The following DLGAP2 variants were observed in gnomAD, a reference collection of about 807,000 sequenced individuals.
The protein encoded by DLGAP2 is DLG associated protein 2, also known as disks large-associated protein 2.
DLGAP2 carries 26 observed loss-of-function variants against 100.3 expected under a neutral mutation model. That is an observed-to-expected ratio of 0.26 (90% CI 0.19 to 0.36). DLGAP2 has a LOEUF of 0.36. Ranked by LOEUF, DLGAP2 falls within the 10% of genes least tolerant of loss-of-function variation. The pLI is 1.00. For synonymous variants in DLGAP2, 886 were observed against 630.1 expected, an observed-to-expected ratio of 1.41 and a Z score of -6.08; for missense variants, 1,858 against 1,453.2, an observed-to-expected ratio of 1.28 and a Z score of -4.53.
chr8:1,257,046 C>T (rs933443963), intron 2 of DLGAP2, among the ~76,000 whole-genome samples: 13 of 152,182 alleles, frequency 8.5e-5, no homozygotes, highest in African/African-American at 3.1e-4. Context: ...CGTCTTCTCT[C>T]CCGTCCCCTC....
intron 2 of DLGAP2, among the ~76,000 whole-genome samples, chr8:1,050,497 A>G (rs527388535): frequency 1.2e-4 from 19 of 152,308 alleles, no homozygotes; most frequent in African/African-American, 4.1e-4. Context: ...TAGGTGTATT[A>G]AATGCATTTT....
intron 1 of DLGAP2, among the ~76,000 whole-genome samples, chr8:894,232 T>A (rs549225320): frequency 6.6e-6 from 1 of 152,052 alleles, no homozygotes; most frequent in African/African-American, 2.4e-5. Flanking sequence ...ACGGAATGAG[T>A]GATCTTTGTG....
At chr8:1,607,779 G>A (rs10216613) in intron 6 of DLGAP2, among the ~76,000 whole-genome samples, 161 of 147,720 alleles carry the variant, frequency 1.1e-3, no homozygotes, top group South Asian at 1.8e-3. Flanking sequence ...AAGGGGTGAC[G>A]GACGCACCTG....
At chr8:1,146,154 T>G (rs1441449193) in intron 2 of DLGAP2, among the ~76,000 whole-genome samples, 1 of 152,158 alleles carries the variant, frequency 6.6e-6, no homozygotes, top group Non-Finnish European at 1.5e-5. Context: ...GCCACGAGGG[T>G]GTCAGCCTCT....
In DLGAP2 at chr8:1,417,717, G is replaced by T. The variant is rs1476630068; in HGVS notation, c.107-83649G>T. ...GGGCCCCACTCCTGCCTCACTCGGC[G>T]AGGCTCCAGACACAGAAGCCCACGG... is the stretch of plus-strand genomic sequence containing the variant. On this transcript the variant is annotated intron_variant, in intron 3 of 14. Transcript: ENST00000637795. Among the ~76,000 whole-genome samples the T allele has an allele frequency of 1.3e-5, 2 of 148,604 alleles. 1 individual carries two copies. Among genetic ancestry groups the T allele is most frequent in the African/African-American group, 5.1e-5 (2 of 39,082 alleles).
intron 2 of DLGAP2, among the ~76,000 whole-genome samples, chr8:1,102,367 T>C (rs964186732): frequency 6.8e-6 from 1 of 147,964 alleles, no homozygotes; most frequent in East Asian, 2.0e-4. Flanking sequence ...CTATTATATA[T>C]TTATATATAA....
chr8:1,177,038 AT>A (rs576506241), intron 2 of DLGAP2, among the ~76,000 whole-genome samples: 15 of 152,350 alleles, frequency 9.8e-5, no homozygotes, highest in African/African-American at 3.1e-4. Flanking sequence ...TTGATGTCGC[AT>A]TAACACTTCA....
intron 2 of DLGAP2, among the ~76,000 whole-genome samples, chr8:1,239,546 CAT>C (rs1798736122): frequency 8.6e-6 from 1 of 115,936 alleles, no homozygotes; most frequent in African/African-American, 3.9e-5. Flanking sequence ...AGTTCTCTCA[CAT>C]GGCGCCGTGT....
At chr8:916,443 A>G (rs185501051) in intron 2 of DLGAP2, among the ~76,000 whole-genome samples, 58 of 152,284 alleles carry the variant, frequency 3.8e-4, no homozygotes, top group Non-Finnish European at 3.8e-4. Flanking sequence ...ACCAAACACC[A>G]CATGTTCTCA....
intron 2 of DLGAP2, among the ~76,000 whole-genome samples, chr8:1,241,125 C>T (rs1459290638): frequency 3.3e-5 from 4 of 122,060 alleles, no homozygotes; most frequent in Non-Finnish European, 6.9e-5. Context: ...TCTCGCATGG[C>T]GCCGTGTCTA....
At chr8:1,421,630 A>G (rs997968119) in intron 3 of DLGAP2, among the ~76,000 whole-genome samples, 13 of 152,204 alleles carry the variant, frequency 8.5e-5, no homozygotes, top group African/African-American at 3.1e-4. Context: ...GAAAATAGAG[A>G]TTAGTGATGA....
At chr8:1,281,491 A>G (rs892258033) in intron 3 of DLGAP2, among the ~76,000 whole-genome samples, 5 of 152,088 alleles carry the variant, frequency 3.3e-5, no homozygotes, top group African/African-American at 4.8e-5. Flanking sequence ...GGCTGAACAC[A>G]CATCAGCCCC....
intron 4 of DLGAP2, among the ~76,000 whole-genome samples, chr8:1,531,843 G>T (rs1181096429): frequency 3.3e-5 from 5 of 152,132 alleles, no homozygotes; most frequent in African/African-American, 1.2e-4. Flanking sequence ...ATTTGAGACA[G>T]GTCTCAGTTT....
chr8:1,444,346 T>A (rs956677596), intron 3 of DLGAP2, among the ~76,000 whole-genome samples: 1 of 152,224 alleles, frequency 6.6e-6, no homozygotes, highest in African/African-American at 2.4e-5. Context: ...TTTTAACTGT[T>A]AACAACACTA....
chr8:1,095,360 T>C (rs996168832), intron 2 of DLGAP2, among the ~76,000 whole-genome samples: 1 of 152,128 alleles, frequency 6.6e-6, no homozygotes, highest in East Asian at 1.9e-4. Flanking sequence ...ACGAGGCTGG[T>C]CCCACCCCTG....
intron 4 of DLGAP2, among the ~76,000 whole-genome samples, chr8:1,534,437 C>G (rs1023003934): frequency 6.6e-6 from 1 of 152,144 alleles, no homozygotes; most frequent in African/African-American, 2.4e-5. Flanking sequence ...AATAAGATGT[C>G]ATTTGGTAAT....
At chr8:1,251,203 G>A (rs549159038) in intron 2 of DLGAP2, among the ~76,000 whole-genome samples, 1 of 152,052 alleles carries the variant, frequency 6.6e-6, no homozygotes, top group East Asian at 1.9e-4. Flanking sequence ...TGTCATCCTG[G>A]GCTTTTACTT....
intron 3 of DLGAP2, among the ~76,000 whole-genome samples, chr8:1,407,291 A>G (rs112007909): frequency 0.01 from 43 of 4,114 alleles, no homozygotes; most frequent in Non-Finnish European, 0.012. Flanking sequence ...CTCATCCTCC[A>G]GAGTCGTGTA....
At chr8:1,202,149 TGTG>T (rs59496394) in intron 2 of DLGAP2, among the ~76,000 whole-genome samples, 19,198 of 151,996 alleles carry the variant, frequency 0.13, 2,504 homozygotes, top group African/African-American at 0.34. Context: ...TGTATACACA[TGTG>T]GTGTGTACAG....
Sources: allele counts gnomAD v4.1 joint callset (sites outside exome capture counted in the v4.1 genomes callset), GRCh38; gene constraint gnomAD v4.1.1; transcripts MANE v1.5; gene names NCBI Gene and HGNC (gene_info 2026-07-23, HGNC 2026-07-21).